MARCHF4: variants seen among roughly 807,000 people sequenced by gnomAD.
MARCHF4 encodes the protein E3 ubiquitin-protein ligase MARCHF4.
Under a neutral mutation model 43.9 loss-of-function variants are expected in MARCHF4, and 14 were observed. That is an observed-to-expected ratio of 0.32 (90% CI 0.21 to 0.50). The LOEUF is 0.50. MARCHF4 is among the 20% of genes least tolerant of loss of function. The probability of loss-of-function intolerance (pLI) is 0.98; values close to 1 mark genes in which losing one functional copy is unlikely to be tolerated. For synonymous variants in MARCHF4, 226 were observed against 213.3 expected, an observed-to-expected ratio of 1.06 and a Z score of -0.52; for missense variants, 468 against 536.7, an observed-to-expected ratio of 0.87 and a Z score of 1.27.
chr2:216,266,462 G>A (rs1690847147), intron 3 of MARCHF4, among the ~76,000 whole-genome samples: 1 of 152,142 alleles, frequency 6.6e-6, no homozygotes, highest in South Asian at 2.1e-4. Context: ...ACAAGTACCT[G>A]CTCTTTCATC....
chr2:216,341,781 T>C (rs1222186435), intron 1 of MARCHF4, among the ~76,000 whole-genome samples: 1 of 152,158 alleles, frequency 6.6e-6, no homozygotes, highest in East Asian at 1.9e-4. Flanking sequence ...CCTACTGGGC[T>C]GGGAATTAAC....
intron 1 of MARCHF4, among the ~76,000 whole-genome samples, chr2:216,311,367 C>G (rs1243461559): frequency 6.6e-6 from 1 of 152,152 alleles, no homozygotes; most frequent in Admixed American, 6.5e-5. Context: ...AAGTGATTCT[C>G]CTGCCTCATC....
At chr2:216,346,381 A>C (rs1285602364) in intron 1 of MARCHF4, among the ~76,000 whole-genome samples, 1 of 151,478 alleles carries the variant, frequency 6.6e-6, no homozygotes, top group Non-Finnish European at 1.5e-5. Flanking sequence ...TTAATGCTTT[A>C]AAATGTTGGT....
At chr2:216,317,484 G>A (rs1691797786) in intron 1 of MARCHF4, among the ~76,000 whole-genome samples, 2 of 152,082 alleles carry the variant, frequency 1.3e-5, no homozygotes, top group Admixed American at 6.6e-5. Context: ...TGTGATCTTG[G>A]CTCACTGCAA....
At chr2:216,303,926 A>G (rs1054729998) in intron 1 of MARCHF4, among the ~76,000 whole-genome samples, 3 of 152,226 alleles carry the variant, frequency 2.0e-5, no homozygotes, top group Non-Finnish European at 4.4e-5. Flanking sequence ...GGAAGGGAGC[A>G]GCACACTTCA....
At chr2:216,335,333 A>G (rs1692140844) in intron 1 of MARCHF4, among the ~76,000 whole-genome samples, 1 of 152,246 alleles carries the variant, frequency 6.6e-6, no homozygotes, top group South Asian at 2.1e-4. Flanking sequence ...ATGACTAAAA[A>G]TGGGAATGAT....
chr2:216,293,376 T>G (rs1691341430), intron 1 of MARCHF4, among the ~76,000 whole-genome samples: 1 of 152,054 alleles, frequency 6.6e-6, no homozygotes, highest in Non-Finnish European at 1.5e-5. Flanking sequence ...AAGAAAGAAC[T>G]CTATTACTAG....
chr2:216,283,192 C>G (rs947443714), intron 2 of MARCHF4, among the ~76,000 whole-genome samples: 1 of 152,140 alleles, frequency 6.6e-6, no homozygotes, highest in Non-Finnish European at 1.5e-5. Context: ...TGGCCTTTCT[C>G]TCTTTTTCTT....
chr2:216,294,240 T>C (rs1691356461), intron 1 of MARCHF4, among the ~76,000 whole-genome samples: 3 of 152,244 alleles, frequency 2.0e-5, no homozygotes, highest in African/African-American at 7.2e-5. Flanking sequence ...TGGCAAATAC[T>C]CTTGCCTCTT....
rs114554860 is a variant in MARCHF4, at chr2:216,316,437, G to A, written c.517-32708C>T. On this transcript the variant is annotated intron_variant, in intron 1 of 3. Transcript: ENST00000273067. ...GACTGCAAAATCTTGCAAAAACAGG[G>A]CAGCTCTCTGATTCAAGGAAAGAGA... 5.1e-3 allele frequency among the ~76,000 whole-genome samples: 770 copies of A among 152,214 alleles called. 5 individuals are homozygous for A. Among genetic ancestry groups the A allele is most frequent in the Middle Eastern group, 0.014 (4 of 294 alleles).
Position 216,259,320 on chromosome 2 carries a change from T to A in MARCHF4, c.1225A>T (p.Thr409Ser), listed in dbSNP as rs754573257. 6.5e-7 allele frequency: 1 copy of A among 1,547,886 alleles called. No homozygotes were observed. The highest frequency in any genetic ancestry group is 2.3e-5 in the East Asian group (1 of 44,186). Residue 409 changes from threonine to serine, a missense_variant, in exon 4 of 4, where the codon ACA (threonine) becomes TCA (serine). By Grantham distance (58) the Thr-to-Ser change is moderately conservative. Around this residue, in one of 3 missense-constraint regions of MARCHF4, gnomAD observed 120 missense variants for 127.1 expected, o/e 0.94. Coordinates refer to ENST00000273067, the MANE Select transcript of MARCHF4 (RefSeq NM_020814.3). Reference protein sequence around the residue: ...SSRELVMRVTTV With the variant: ...SSRELVMRVTSV ...CTTCCGGGCCTCTGCTCTCACACTG[T>A]CGTGACTCTCATGACCAGCTCTCGG...
intron 1 of MARCHF4, among the ~76,000 whole-genome samples, chr2:216,311,521 G>C (rs1264870529): frequency 6.6e-6 from 1 of 152,194 alleles, no homozygotes; most frequent in African/African-American, 2.4e-5. Flanking sequence ...GCCTCCCAAA[G>C]TGCTGGGATT....
chr2:216,266,459 C>T (rs1431208970), intron 3 of MARCHF4, among the ~76,000 whole-genome samples: 1 of 152,170 alleles, frequency 6.6e-6, no homozygotes, highest in Non-Finnish European at 1.5e-5. Flanking sequence ...AACACAAGTA[C>T]CTGCTCTTTC....
intron 1 of MARCHF4, among the ~76,000 whole-genome samples, chr2:216,293,990 T>TAAAAAGA (rs1403509369): frequency 0.097 from 9,702 of 100,292 alleles, 2,178 homozygotes; most frequent in Non-Finnish European, 0.17. Flanking sequence ...ATCACCATTG[T>TAAAAAGA]TACCAAACAG....
At chr2:216,268,441 TC>T (rs1000167039) in intron 3 of MARCHF4, among the ~76,000 whole-genome samples, 1 of 152,162 alleles carries the variant, frequency 6.6e-6, no homozygotes, top group African/African-American at 2.4e-5. Context: ...GGAGGCGGTT[TC>T]CCCCATGCTG....
intron 1 of MARCHF4, among the ~76,000 whole-genome samples, chr2:216,337,189 G>C (rs1692171982): frequency 6.6e-6 from 1 of 150,842 alleles, no homozygotes; most frequent in African/African-American, 2.4e-5. Context: ...AAGAATGAAT[G>C]ACAATGTGCA....
chr2:216,282,963 A>G (rs1574463052), intron 2 of MARCHF4, among the ~76,000 whole-genome samples: 1 of 150,212 alleles, frequency 6.7e-6, no homozygotes, highest in South Asian at 2.1e-4. Context: ...GCATCAACAG[A>G]TGCTCCAGAC....
chr2:216,296,261 G>T (rs575236160), intron 1 of MARCHF4, among the ~76,000 whole-genome samples: 6 of 152,162 alleles, frequency 3.9e-5, no homozygotes, highest in Non-Finnish European at 5.9e-5. Context: ...CAGGAGAATC[G>T]CTTGCACCCG....
chr2:216,333,133 T>C (rs182557850), intron 1 of MARCHF4, among the ~76,000 whole-genome samples: 102 of 151,600 alleles, frequency 6.7e-4, no homozygotes, highest in Non-Finnish European at 4.0e-4. Flanking sequence ...ATACCATTAA[T>C]TATATAAAGG....
Sources: allele counts gnomAD v4.1 joint callset (sites outside exome capture counted in the v4.1 genomes callset), GRCh38; gene constraint gnomAD v4.1.1; regional missense constraint gnomAD v4.1.1; transcripts MANE v1.5; gene names NCBI Gene and HGNC (gene_info 2026-07-23, HGNC 2026-07-21).